Variants in CDH13 observed in about 807,000 individuals in gnomAD.
The protein encoded by CDH13 is cadherin 13.
Under a neutral mutation model 63.8 loss-of-function variants are expected in CDH13, and 24 were observed. The observed-to-expected ratio is 0.38, with a 90% CI of 0.27 to 0.53. The LOEUF (loss-of-function observed/expected upper bound fraction) is 0.53. Ranked by LOEUF, CDH13 falls within the 20% of genes least tolerant of loss-of-function variation. The pLI is 0.85. For missense variants in CDH13, 1,049 were observed against 903.1 expected, an observed-to-expected ratio of 1.16 and a Z score of -2.07; for synonymous variants, 503 against 355.3, an observed-to-expected ratio of 1.42 and a Z score of -4.67.
intron 6 of CDH13, among the ~76,000 whole-genome samples, chr16:83,393,165 A>T (rs1370316604): frequency 6.6e-6 from 1 of 152,222 alleles, no homozygotes; most frequent in Non-Finnish European, 1.5e-5. Flanking sequence ...CCGTGAGACC[A>T]TGTCACCCAG....
At chr16:83,128,589 A>G (rs1453673696) in intron 4 of CDH13, among the ~76,000 whole-genome samples, 1 of 152,262 alleles carries the variant, frequency 6.6e-6, no homozygotes, top group East Asian at 1.9e-4. Flanking sequence ...CCTGTCGTCC[A>G]AATCTGTCAT....
At chr16:83,238,397 A>G (rs191196190) in intron 5 of CDH13, among the ~76,000 whole-genome samples, 83 of 152,294 alleles carry the variant, frequency 5.4e-4, no homozygotes, top group Non-Finnish European at 9.4e-4. Context: ...ATTCACTATC[A>G]CGAGAACAGC....
rs377101317 is a variant in CDH13, at chr16:83,252,129, C to CACACACACACACAT, written c.636+34633_636+34634insCACACACACACATA. On this transcript the variant is annotated intron_variant, in intron 5 of 13. Coordinates refer to ENST00000567109, the MANE Select transcript of CDH13 (RefSeq NM_001257.5). Reference sequence around the variant, plus strand: ...TTATACACACACACACACACACACACATATATATGTATATATATATATATC... The same window carrying CACACACACACACAT: ...TTATACACACACACACACACACACACACACACACACACATATATATATGTATATATATATATATC... 5.4e-3 allele frequency among the ~76,000 whole-genome samples: 482 copies of CACACACACACACAT among 89,124 alleles called. 1 individual carries two copies. Among genetic ancestry groups the CACACACACACACAT allele is most frequent in the African/African-American group, 0.013 (257 of 20,400 alleles). The allele number at this position is 89,124 out of a possible 152,430, so 58.5% of individuals were successfully genotyped here.
intron 5 of CDH13, among the ~76,000 whole-genome samples, chr16:83,305,028 C>A (rs13337731): frequency 5.8e-4 from 89 of 152,258 alleles, no homozygotes; most frequent in African/African-American, 1.9e-3. Flanking sequence ...CCCCACAGAC[C>A]GGGAAGCTTT....
chr16:83,474,965 C>A (rs538258025), intron 6 of CDH13, among the ~76,000 whole-genome samples: 1 of 152,378 alleles, frequency 6.6e-6, no homozygotes, highest in South Asian at 2.1e-4. Flanking sequence ...GTTGCCTGCG[C>A]AGCTGAGTAT....
intron 1 of CDH13, among the ~76,000 whole-genome samples, chr16:82,732,790 T>C (rs1319101297): frequency 2.0e-5 from 3 of 152,210 alleles, no homozygotes; most frequent in African/African-American, 7.2e-5. Context: ...TGAGGATCTG[T>C]TTAGTCACTT....
intron 7 of CDH13, among the ~76,000 whole-genome samples, chr16:83,600,227 C>T (rs1284442867): frequency 6.6e-6 from 1 of 152,170 alleles, no homozygotes; most frequent in Non-Finnish European, 1.5e-5. Flanking sequence ...GGTGTCAATT[C>T]CACTTGTACT....
chr16:83,439,904 A>T (rs1030588928), intron 6 of CDH13, among the ~76,000 whole-genome samples: 3 of 152,170 alleles, frequency 2.0e-5, no homozygotes, highest in Non-Finnish European at 4.4e-5. Context: ...TCCAAATTCT[A>T]TGTAAAAAAT....
At chr16:82,914,068 G>C (rs767408805) in intron 2 of CDH13, among the ~76,000 whole-genome samples, 1 of 152,066 alleles carries the variant, frequency 6.6e-6, no homozygotes, top group African/African-American at 2.4e-5. Flanking sequence ...GGGTGGGCAT[G>C]GAGCTCTGAG....
At chr16:83,785,994 TA>T (rs1915855535) in intron 13 of CDH13, among the ~76,000 whole-genome samples, 1 of 151,452 alleles carries the variant, frequency 6.6e-6, no homozygotes, top group African/African-American at 2.4e-5. Context: ...TGGAGGAGAG[TA>T]AAGTTAAGAA....
chr16:83,646,636 G>A (rs1427674776), intron 8 of CDH13, among the ~76,000 whole-genome samples: 2 of 142,296 alleles, frequency 1.4e-5, no homozygotes, highest in Non-Finnish European at 3.0e-5. Context: ...GGGAAGCAGT[G>A]AGCTGAGATC....
intron 7 of CDH13, among the ~76,000 whole-genome samples, chr16:83,579,517 T>A (rs549145066): frequency 6.6e-6 from 1 of 151,826 alleles, no homozygotes; most frequent in South Asian, 2.1e-4. Flanking sequence ...AACAACCAGA[T>A]CTCACAAGAA....
Position 83,528,523 on chromosome 16 carries a change from C to G in CDH13, c.960+41868C>G, listed in dbSNP as rs529672095. ...TAATAGTAGTCCCTAGTGGGGTCGT[C>G]TAAGAGCCCTTGGGAGGGCACTTAT... On this transcript the variant is annotated intron_variant, in intron 7 of 13. Coordinates refer to ENST00000567109, the MANE Select transcript of CDH13 (RefSeq NM_001257.5). Among the ~76,000 whole-genome samples the G allele has an allele frequency of 9.9e-5, 15 of 152,210 alleles. 1 individual carries two copies. Among genetic ancestry groups the G allele is most frequent in the African/African-American group, 3.6e-4 (15 of 41,518 alleles).
chr16:82,765,510 C>T (rs1237136632), intron 1 of CDH13, among the ~76,000 whole-genome samples: 3 of 152,160 alleles, frequency 2.0e-5, no homozygotes, highest in Non-Finnish European at 4.4e-5. Flanking sequence ...CCAACCACCC[C>T]GTGAGCCTTC....
chr16:83,751,090 G>C (rs982771568), intron 11 of CDH13, among the ~76,000 whole-genome samples: 10 of 152,118 alleles, frequency 6.6e-5, no homozygotes, highest in Non-Finnish European at 1.5e-4. Flanking sequence ...GCAAAGATAA[G>C]GGCAGAGAAG....
At position 82,998,066 on chromosome 16, in the gene CDH13, G is replaced by A. The variant is rs72792165; in HGVS notation, c.158-33944G>A. 3.1e-3 allele frequency among the ~76,000 whole-genome samples: 476 copies of A among 152,314 alleles called. 1 individual carries two copies. Among genetic ancestry groups the A allele is most frequent in the Non-Finnish European group, 5.4e-3 (368 of 68,018 alleles). On this transcript the variant is annotated intron_variant, in intron 2 of 13. Coordinates refer to ENST00000567109, the MANE Select transcript of CDH13 (RefSeq NM_001257.5). ...ACAGTCATGGTCAATTCATGGCAGAGTTGGTGACCAGCTCAAATTTTCTAG... is the reference window on the plus strand; with the variant it reads ...ACAGTCATGGTCAATTCATGGCAGAATTGGTGACCAGCTCAAATTTTCTAG...
chr16:82,776,543 C>G, intron 1 of CDH13, among the ~76,000 whole-genome samples: 1 of 152,198 alleles, frequency 6.6e-6, no homozygotes, highest in Non-Finnish European at 1.5e-5. Flanking sequence ...TGCAGACAAC[C>G]TGCAAATATG....
chr16:83,142,292 C>G (rs891016944), intron 4 of CDH13, among the ~76,000 whole-genome samples: 1 of 151,570 alleles, frequency 6.6e-6, no homozygotes, highest in African/African-American at 2.4e-5. Flanking sequence ...TCCTGAGTGG[C>G]TGGAACTACA....
chr16:83,693,506 C>A (rs943837868), intron 10 of CDH13, among the ~76,000 whole-genome samples: 1 of 152,198 alleles, frequency 6.6e-6, no homozygotes, highest in Admixed American at 6.5e-5. Flanking sequence ...GGGTACCTCA[C>A]TGCTTAAATC....
Sources: gnomAD v4.1 joint callset for allele counts (sites outside exome capture counted in the v4.1 genomes callset) on GRCh38, gnomAD v4.1.1 for gene constraint, MANE v1.5 for transcripts, NCBI Gene and HGNC (gene_info 2026-07-23, HGNC 2026-07-21) for gene names.